The following BTG4 variants were observed in gnomAD, a reference collection of about 807,000 sequenced individuals.
The protein encoded by BTG4 is protein BTG4.
In BTG4, 10 loss-of-function variants were observed where a neutral mutation model predicts 19.3. That is an observed-to-expected ratio of 0.52 (90% CI 0.32 to 0.88). BTG4 has a LOEUF of 0.88. BTG4 is among the 40% of genes least tolerant of loss of function. The pLI is 0.04. For synonymous variants in BTG4, 91 were observed against 95.7 expected (o/e 0.95, Z 0.29); for missense variants, 238 against 281.9 (o/e 0.84, Z 1.11).
At chr11:111,442,789 G>A in the BTG4 span, among the ~76,000 whole-genome samples, 1 of 151,856 alleles carries the variant, frequency 6.6e-6, no homozygotes, top group Non-Finnish European at 1.5e-5. Context: ...AAATGTTCAC[G>A]TGAATAAATA....
chr11:111,450,005 T>G, the BTG4 span: 1 of 152,376 alleles, frequency 6.6e-6, no homozygotes, highest in Non-Finnish European at 1.5e-5. Flanking sequence ...AGGCTGCTGC[T>G]GCCTGGCCCA....
chr11:111,417,040 T>C, the BTG4 span: 2 of 152,174 alleles, frequency 1.3e-5, no homozygotes, highest in African/African-American at 4.8e-5. Context: ...TAGTTAAACT[T>C]TGAGGGACTC....
At chr11:111,487,495 G>T (rs1410035616) in intron 5 of BTG4, among the ~76,000 whole-genome samples, 4 of 152,056 alleles carry the variant, frequency 2.6e-5, no homozygotes, top group Non-Finnish European at 5.9e-5. Flanking sequence ...CAAACCCACA[G>T]CTAGGATCAT....
At chr11:111,438,191 T>G in the BTG4 span, among the ~76,000 whole-genome samples, 20 of 152,332 alleles carry the variant, frequency 1.3e-4, no homozygotes, top group Middle Eastern at 3.4e-3. Flanking sequence ...CTGATGGCAG[T>G]TCTGCAAGTG....
chr11:111,411,467 T>G, the BTG4 span, among the ~76,000 whole-genome samples: 4 of 152,234 alleles, frequency 2.6e-5, no homozygotes, highest in Admixed American at 2.6e-4. Flanking sequence ...CAGCCTTCCC[T>G]GGCCATCCTA....
intron 5 of BTG4, among the ~76,000 whole-genome samples, chr11:111,478,666 AT>A (rs1236630613): frequency 3.3e-5 from 5 of 152,190 alleles, no homozygotes; most frequent in Non-Finnish European, 5.9e-5. Context: ...CAGCAAAAAA[AT>A]CGAAGACAGA....
the BTG4 span, among the ~76,000 whole-genome samples, chr11:111,391,683 T>C: frequency 6.6e-6 from 1 of 152,102 alleles, no homozygotes; most frequent in Non-Finnish European, 1.5e-5. Context: ...TTTCCAATTG[T>C]GTTCCATTTG....
the BTG4 span, among the ~76,000 whole-genome samples, chr11:111,414,053 G>A: frequency 1.3e-5 from 2 of 152,192 alleles, no homozygotes; most frequent in Non-Finnish European, 2.9e-5. Context: ...GGAGCAAACT[G>A]AGAGTGAATG....
chr11:111,495,272 G>C lies in BTG4; in HGVS notation c.553C>G (p.Pro185Ala). Reference sequence around the variant, plus strand: ...CCGTCCACCACATTCTTTTTGCGGGGGATTTGTAACCAAGATTGAAAGGGC... The same window carrying C: ...CCGTCCACCACATTCTTTTTGCGGGCGATTTGTAACCAAGATTGAAAGGGC... ...KQPFQSWLQI[P>A]RKKNVVDGRV... The change falls in exon 5 of 5, where the codon CCC becomes GCC. Residue 185 changes from proline to alanine, a missense_variant. Transcript: ENST00000692032. 3 of 1,610,322 alleles carry C rather than the reference G, an allele frequency of 1.9e-6. No homozygotes were observed. Among genetic ancestry groups the C allele is most frequent in the Non-Finnish European group, 2.5e-6 (3 of 1,178,948 alleles).
intron 5 of BTG4, among the ~76,000 whole-genome samples, chr11:111,468,414 T>C (rs1449838013): frequency 6.6e-6 from 1 of 152,162 alleles, no homozygotes; most frequent in East Asian, 1.9e-4. Flanking sequence ...AATTAGGAAA[T>C]TGAAGCCCAG....
At chr11:111,502,538 A>G (rs536205528) in intron 1 of BTG4, among the ~76,000 whole-genome samples, 2 of 152,300 alleles carry the variant, frequency 1.3e-5, no homozygotes, top group South Asian at 2.1e-4. Context: ...ATTTTTTAAA[A>G]TTTATGTTAC....
upstream of BTG4, chr11:111,514,528 C>G: frequency 2.0e-6 from 1 of 510,642 alleles, no homozygotes; most frequent in South Asian, 2.1e-5. Flanking sequence ...ACTACTCCCC[C>G]ACTGACTCCG....
chr11:111,491,878 A>G (rs1449227920), downstream of BTG4, among the ~76,000 whole-genome samples: 1 of 152,196 alleles, frequency 6.6e-6, no homozygotes, highest in Non-Finnish European at 1.5e-5. Flanking sequence ...ACATTAATAT[A>G]TTTAGGGGCT....
intron 1 of BTG4, among the ~76,000 whole-genome samples, chr11:111,511,444 C>T (rs191638586): frequency 6.6e-6 from 1 of 152,274 alleles, no homozygotes; most frequent in Admixed American, 6.5e-5. Flanking sequence ...ATCTATGAGA[C>T]CATTTGCTGG....
the BTG4 span, among the ~76,000 whole-genome samples, chr11:111,441,798 C>T: frequency 6.6e-6 from 1 of 152,132 alleles, no homozygotes. Flanking sequence ...GTGGCTCACG[C>T]CTGTAATCCC....
the BTG4 span, among the ~76,000 whole-genome samples, chr11:111,413,747 T>C: frequency 6.6e-6 from 1 of 152,200 alleles, no homozygotes; most frequent in African/African-American, 2.4e-5. Flanking sequence ...TCAGAGTGTG[T>C]TACAGCAAGC....
chr11:111,496,491 A>G (rs1184011701), intron 4 of BTG4: 1 of 152,224 alleles, frequency 6.6e-6, no homozygotes, highest in African/African-American at 2.4e-5. Context: ...TCTGCCAATA[A>G]TAAGTTACAA....
chr11:111,408,981 A>G, the BTG4 span, among the ~76,000 whole-genome samples: 1 of 152,242 alleles, frequency 6.6e-6, no homozygotes, highest in African/African-American at 2.4e-5. Context: ...GGCAGGATGC[A>G]GTGGACTCTG....
chr11:111,504,308 T>C (rs1866292031), intron 1 of BTG4, among the ~76,000 whole-genome samples: 1 of 152,126 alleles, frequency 6.6e-6, no homozygotes, highest in South Asian at 2.1e-4. Context: ...CATTAATTGC[T>C]GAAACAAAAT....
Sources: gnomAD v4.1 joint callset for allele counts (sites outside exome capture counted in the v4.1 genomes callset) on GRCh38, gnomAD v4.1.1 for gene constraint, MANE v1.5 for transcripts, NCBI Gene and HGNC (gene_info 2026-07-23, HGNC 2026-07-21) for gene names.